The following MAGI2 variants were observed in gnomAD, a reference collection of about 807,000 sequenced individuals.
The protein encoded by MAGI2 is membrane associated guanylate kinase, WW and PDZ domain containing 2, also known as membrane-associated guanylate kinase, WW and PDZ domain-containing protein 2.
A neutral mutation model predicts 133.3 loss-of-function variants in MAGI2; 35 were observed. The observed-to-expected ratio is 0.26, with a 90% confidence interval of 0.20 to 0.35. The LOEUF is 0.35. Ranked by LOEUF, MAGI2 falls within the 10% of genes least tolerant of loss-of-function variation. The pLI is 1.00. For synonymous variants in MAGI2, 729 were observed against 710.6 expected (o/e 1.03, Z -0.41); for missense variants, 1,636 against 1,863.4 (o/e 0.88, Z 2.25).
In MAGI2 at chr7:79,403,444, A is replaced by T. The variant is rs549360280; in HGVS notation, c.301+49576T>A. On this transcript the variant is annotated intron_variant, in intron 1 of 21. Transcript: ENST00000354212. ...GGAAAACCTTTCTTGCTTTTTTTTT[A>T]AAAAAGAAAACTTGATAGTAATCCC... Among the ~76,000 whole-genome samples the T allele has an allele frequency of 1.6e-4, 25 of 151,926 alleles. No individual in the cohort carries two copies. The South Asian group carries it at 2.3e-3, about 14-fold the overall frequency.
intron 9 of MAGI2, among the ~76,000 whole-genome samples, chr7:78,266,303 T>A (rs1455593404): frequency 6.6e-6 from 1 of 152,032 alleles, no homozygotes; most frequent in Non-Finnish European, 1.5e-5. Context: ...AGGGTTCAAC[T>A]GATCCTCCCA....
intron 2 of MAGI2, among the ~76,000 whole-genome samples, chr7:78,910,763 C>A (rs1295640299): frequency 6.6e-6 from 1 of 152,150 alleles, no homozygotes. Flanking sequence ...AACAGCTAAA[C>A]ATAATTTGAT....
At position 78,142,254 on chromosome 7, in the gene MAGI2, G is replaced by C. The variant is rs573112850; in HGVS notation, c.2846-7048C>G. Among the ~76,000 whole-genome samples the C allele has an allele frequency of 9.5e-4, 144 of 152,094 alleles. 1 individual carries two copies. Among genetic ancestry groups the C allele is most frequent in the Non-Finnish European group, 6.9e-4 (47 of 68,018 alleles). Reference sequence around the variant, plus strand: ...GACCTCACACTTTGATTTTGCGCTAGACCCTGCAAATTATGTAGTTGGTCT... The same window carrying C: ...GACCTCACACTTTGATTTTGCGCTACACCCTGCAAATTATGTAGTTGGTCT... On this transcript the variant is annotated intron_variant, in intron 16 of 21. Transcript: ENST00000354212.
intron 2 of MAGI2, among the ~76,000 whole-genome samples, chr7:79,005,262 G>T (rs146914350): frequency 0.01 from 1,530 of 152,190 alleles, 31 homozygotes; most frequent in African/African-American, 0.035. Flanking sequence ...AGGAGAGATG[G>T]CTGAAAATTC....
At chr7:78,855,690 T>C (rs1793571674) in intron 2 of MAGI2, among the ~76,000 whole-genome samples, 1 of 152,328 alleles carries the variant, frequency 6.6e-6, no homozygotes, top group South Asian at 2.1e-4. Flanking sequence ...GTCTTTGCTA[T>C]TGTGAATAGT....
chr7:78,573,163 T>TAC lies in MAGI2; in HGVS notation c.539-51520_539-51519dup, dbSNP rs200107385. On this transcript the variant is annotated intron_variant, in intron 3 of 21. Transcript: ENST00000354212. Reference sequence around the variant, plus strand: ...CACATATATATATAGGCTATATATATACACACACACGTACCCTGGAACTTT... The same window carrying TAC: ...CACATATATATATAGGCTATATATATACACACACACACGTACCCTGGAACTTT... Among the ~76,000 whole-genome samples, 380 of 95,670 alleles carry TAC rather than the reference T, an allele frequency of 4.0e-3. 7 individuals are homozygous for TAC. Among genetic ancestry groups the TAC allele is most frequent in the African/African-American group, 0.015 (369 of 24,156 alleles). 62.8% of individuals were successfully genotyped at this position (95,670 alleles called of 152,430 possible). A position where few individuals can be genotyped will look rare whatever the true frequency, so the allele number is the denominator to read the frequency against.
rs1818742236 is a variant in MAGI2, at chr7:78,707,206, T to C, written c.419-79967A>G. Reference sequence around the variant, plus strand: ...TATTAAAGAATAAATTAGCAAAGAATAAAAGAACCACCCATTAGACCAAGG... The same window carrying C: ...TATTAAAGAATAAATTAGCAAAGAACAAAAGAACCACCCATTAGACCAAGG... On this transcript the variant is annotated intron_variant, in intron 2 of 21. Transcript: ENST00000354212. 2.6e-5 allele frequency among the ~76,000 whole-genome samples: 4 copies of C among 151,708 alleles called. No homozygotes were observed. In the South Asian group the frequency reaches 8.3e-4, roughly 32 times the overall value.
At chr7:78,130,876 T>C (rs1331072251) in intron 18 of MAGI2, among the ~76,000 whole-genome samples, 1 of 152,232 alleles carries the variant, frequency 6.6e-6, no homozygotes, top group African/African-American at 2.4e-5. Context: ...GCTTCTGTGA[T>C]AGGGAACAAG....
At chr7:78,395,995 T>C (rs1351453447) in intron 6 of MAGI2, among the ~76,000 whole-genome samples, 1 of 152,220 alleles carries the variant, frequency 6.6e-6, no homozygotes, top group Non-Finnish European at 1.5e-5. Context: ...TATGTGTTCT[T>C]GGATGCAGAA....
chr7:78,682,471 G>GTGTTT (rs972833826), intron 2 of MAGI2, among the ~76,000 whole-genome samples: 18 of 152,234 alleles, frequency 1.2e-4, no homozygotes, highest in Admixed American at 1.2e-3. Flanking sequence ...AGAACATGCG[G>GTGTTT]TGTTTTGTTT....
intron 10 of MAGI2, among the ~76,000 whole-genome samples, chr7:78,247,872 T>C (rs888938130): frequency 1.3e-5 from 2 of 151,914 alleles, no homozygotes; most frequent in Admixed American, 6.6e-5. Flanking sequence ...GAAAAAGAAG[T>C]GACAAAGATA....
At chr7:79,213,094 A>G (rs1260471142) in intron 1 of MAGI2, among the ~76,000 whole-genome samples, 1 of 151,980 alleles carries the variant, frequency 6.6e-6, no homozygotes, top group East Asian at 1.9e-4. Context: ...ATAGTACCAC[A>G]TGGTCATTTC....
chr7:78,291,101 T>TAGAG (rs1203573120), intron 9 of MAGI2, among the ~76,000 whole-genome samples: 12 of 151,616 alleles, frequency 7.9e-5, no homozygotes, highest in Non-Finnish European at 1.5e-5. Flanking sequence ...CTGAAGAAAA[T>TAGAG]AGAGACACAA....
At chr7:78,458,604 G>A (rs113309416) in intron 6 of MAGI2, among the ~76,000 whole-genome samples, 2 of 150,724 alleles carry the variant, frequency 1.3e-5, no homozygotes, top group African/African-American at 4.9e-5. Flanking sequence ...AAAGGTAAAG[G>A]TAAATCATCT....
chr7:78,515,823 C>T (rs568627562), intron 4 of MAGI2, among the ~76,000 whole-genome samples: 5 of 151,386 alleles, frequency 3.3e-5, no homozygotes, highest in East Asian at 3.9e-4. Flanking sequence ...GGCTTGAACA[C>T]GGGAAGCGGA....
rs1819259015 is a variant in MAGI2 at position 78,712,176 on chromosome 7, C to T, written c.419-84937G>A. Among the ~76,000 whole-genome samples the T allele has an allele frequency of 2.6e-5, 4 of 152,128 alleles. No homozygotes were observed. The South Asian group carries it at 8.3e-4, about 32-fold the overall frequency. On this transcript the variant is annotated intron_variant, in intron 2 of 21. Coordinates refer to ENST00000354212, the MANE Select transcript of MAGI2 (RefSeq NM_012301.4). ...GCTACATATTGCTTGATTATATACA[C>T]TCGTCTATGAACCAAGTTCCTACTT...
chr7:79,214,397 CTCTCTCTCTCTATATATATATATATA>C (rs1447954391), intron 1 of MAGI2, among the ~76,000 whole-genome samples: 4 of 82,736 alleles, frequency 4.8e-5, no homozygotes, highest in East Asian at 7.4e-4. Context: ...CTCTCTCTCT[CTCTCTCTCTCTATATATATATATATA>C]TATATATATA....
At chr7:79,255,579 TA>T (rs1833624086) in intron 1 of MAGI2, among the ~76,000 whole-genome samples, 1 of 152,152 alleles carries the variant, frequency 6.6e-6, no homozygotes, top group Non-Finnish European at 1.5e-5. Context: ...AAGATAAATT[TA>T]AGAAAATTTT....
intron 1 of MAGI2, among the ~76,000 whole-genome samples, chr7:79,427,924 A>G (rs1030101476): frequency 2.0e-5 from 3 of 152,152 alleles, no homozygotes; most frequent in Non-Finnish European, 4.4e-5. Context: ...GTGCTAACAG[A>G]TGAAAGGGAA....
Sources: allele counts gnomAD v4.1 joint callset (sites outside exome capture counted in the v4.1 genomes callset), GRCh38; gene constraint gnomAD v4.1.1; transcripts MANE v1.5; gene names NCBI Gene and HGNC (gene_info 2026-07-23, HGNC 2026-07-21).